The following PTK2B variants were observed in gnomAD, a reference collection of about 807,000 sequenced individuals.
PTK2B encodes the protein protein-tyrosine kinase 2-beta.
Under a neutral mutation model 142.9 loss-of-function variants are expected in PTK2B, and 71 were observed. The observed-to-expected ratio is 0.50, with a 90% CI of 0.41 to 0.61. The LOEUF is 0.61. PTK2B is among the 20% of genes least tolerant of loss of function. The pLI is 0.00. For synonymous variants in PTK2B, 519 were observed against 503.4 expected (o/e 1.03, Z -0.42); for missense variants, 1,105 against 1,320.4 (o/e 0.84, Z 2.53).
chr8:27,361,024 C>T (rs770779544), intron 1 of PTK2B, among the ~76,000 whole-genome samples: 1 of 152,112 alleles, frequency 6.6e-6, no homozygotes, highest in Non-Finnish European at 1.5e-5. Context: ...ACATGGGATA[C>T]ATTGCATAGT....
At chr8:27,340,386 C>G (rs534861387) in intron 1 of PTK2B, among the ~76,000 whole-genome samples, 12 of 152,172 alleles carry the variant, frequency 7.9e-5, no homozygotes, top group African/African-American at 2.9e-4. Flanking sequence ...GTTGAGAGCA[C>G]AGCATATGCA....
intron 3 of PTK2B, 48 bp downstream of exon 3, chr8:27,420,121 G>A (rs1809654504): frequency 1.2e-6 from 2 of 1,604,264 alleles, no homozygotes; most frequent in South Asian, 1.1e-5. Context: ...GAGGAATTTA[G>A]GGTGGGGAGG....
Position 27,397,538 on chromosome 8 carries a change from G to A in PTK2B, c.-37-10G>A. On this transcript the variant is annotated splice_polypyrimidine_tract_variant and intron_variant, in intron 1 of 30. Transcript: ENST00000346049. ...GCTCTTTCAGGGCTGACCCTCTGCT[G>A]TCTCTGCAGGACTGCAATGTGCCGA... 6.3e-7 allele frequency: 1 copy of A among 1,599,226 alleles called. No homozygotes were observed. Among genetic ancestry groups the A allele is most frequent in the East Asian group, 2.2e-5 (1 of 44,832 alleles).
intron 3 of PTK2B, among the ~76,000 whole-genome samples, chr8:27,314,413 G>A (rs1340483070): frequency 1.3e-5 from 2 of 152,132 alleles, no homozygotes; most frequent in East Asian, 1.9e-4. Flanking sequence ...GCAAAACCCC[G>A]TCTCTACAAA....
chr8:27,368,419 G>GTAT (rs1020442658), intron 1 of PTK2B, among the ~76,000 whole-genome samples: 4 of 151,970 alleles, frequency 2.6e-5, no homozygotes, highest in African/African-American at 9.7e-5. Flanking sequence ...ATTCCCCTTG[G>GTAT]TATTCATCCC....
intron 1 of PTK2B, among the ~76,000 whole-genome samples, chr8:27,354,621 A>G (rs149782903): frequency 1.4e-3 from 210 of 152,364 alleles, no homozygotes; most frequent in African/African-American, 4.9e-3. Context: ...AAGTGCTTGA[A>G]AAATGGCAGC....
At chr8:27,447,011 C>T (rs995347147) in intron 24 of PTK2B, among the ~76,000 whole-genome samples, 5 of 152,172 alleles carry the variant, frequency 3.3e-5, no homozygotes, top group East Asian at 1.9e-4. Flanking sequence ...AGGCTGTGTT[C>T]GGTTTCTCCA....
intron 2 of PTK2B, among the ~76,000 whole-genome samples, chr8:27,407,683 G>A (rs1221902458): frequency 6.6e-6 from 1 of 152,182 alleles, no homozygotes; most frequent in East Asian, 1.9e-4. Context: ...GGGAGTCAGA[G>A]GAACCTCTGG....
chr8:27,360,390 GA>G (rs1805628693), intron 1 of PTK2B, among the ~76,000 whole-genome samples: 1 of 152,270 alleles, frequency 6.6e-6, no homozygotes, highest in African/African-American at 2.4e-5. Context: ...GCTGATGGGA[GA>G]CGGCTGATGC....
intron 1 of PTK2B, among the ~76,000 whole-genome samples, chr8:27,360,743 G>C (rs1805651499): frequency 1.3e-5 from 2 of 152,234 alleles, no homozygotes; most frequent in African/African-American, 4.8e-5. Context: ...AAAGACTTCT[G>C]TGCAAACATT....
rs771659479 is a variant in PTK2B at position 27,437,787 on chromosome 8, A to G, written c.1550A>G (p.Asn517Ser). 29 of 1,612,644 alleles carry G rather than the reference A, an allele frequency of 1.8e-5. No individual in the cohort carries two copies. Among genetic ancestry groups the G allele is most frequent in the Non-Finnish European group, 2.4e-5 (28 of 1,179,602 alleles). ...YGELGHYLER[N>S]KNSLKVLTLV... ...CAGCTGGGCCACTACCTGGAGCGGAACAAGAACTCCCTGAAGGTGCTCACC... is the reference window on the plus strand; with the variant it reads ...CAGCTGGGCCACTACCTGGAGCGGAGCAAGAACTCCCTGAAGGTGCTCACC... Residue 517 changes from asparagine to serine, a missense_variant, in exon 18 of 31, where the codon AAC (asparagine) becomes AGC (serine). Transcript: ENST00000346049.
rs368554962 is a variant in PTK2B at position 27,336,405 on chromosome 8, C to T, written c.-38+10724C>T. The stretch of plus-strand genomic sequence containing the variant: ...CCATAAGCCCTGTTGAGGAAAGAAC[C>T]GTATCTGTATGGAGAGTCACTGTTA... On this transcript the variant is annotated intron_variant, in intron 1 of 30. Coordinates refer to ENST00000346049, the MANE Select transcript of PTK2B (RefSeq NM_173176.3). Among the ~76,000 whole-genome samples, 7 of 152,058 alleles carry T rather than the reference C, an allele frequency of 4.6e-5. No individual in the cohort carries two copies. In the East Asian group the frequency reaches 1.2e-3, roughly 25 times the overall value.
At chr8:27,327,155 C>A (rs576718303) in intron 1 of PTK2B, among the ~76,000 whole-genome samples, 1 of 152,088 alleles carries the variant, frequency 6.6e-6, no homozygotes, top group Non-Finnish European at 1.5e-5. Flanking sequence ...AAGCAGCGGG[C>A]GGCATCCAGG....
rs190822438 is a variant in PTK2B at position 27,418,908 on chromosome 8, G to A, written c.205-987G>A. On this transcript the variant is annotated intron_variant, in intron 2 of 30. Coordinates refer to ENST00000346049, the MANE Select transcript of PTK2B (RefSeq NM_173176.3). The stretch of plus-strand genomic sequence containing the variant: ...CCAGGCGTGGTGGTGCCTACCTGTA[G>A]TCCCAGCTACTCAGGAGGATGAGGC... Among the ~76,000 whole-genome samples the A allele has an allele frequency of 1.6e-3, 241 of 152,232 alleles. 1 individual carries two copies. Among genetic ancestry groups the A allele is most frequent in the African/African-American group, 5.6e-3 (232 of 41,516 alleles).
At chr8:27,439,931 A>G (rs1420596028) in intron 20 of PTK2B, among the ~76,000 whole-genome samples, 3 of 152,130 alleles carry the variant, frequency 2.0e-5, no homozygotes, top group Admixed American at 6.5e-5. Flanking sequence ...TTTACTAAGG[A>G]GTGGCTCCCC....
chr8:27,394,592 CTT>C (rs879330337), intron 1 of PTK2B, among the ~76,000 whole-genome samples: 1,925 of 152,294 alleles, frequency 0.013, 23 homozygotes, highest in Non-Finnish European at 0.017. Flanking sequence ...CTACTGTAGA[CTT>C]TATAAACACG....
intron 3 of PTK2B, among the ~76,000 whole-genome samples, chr8:27,319,612 C>G (rs1251260449): frequency 7.7e-6 from 1 of 129,226 alleles, no homozygotes; most frequent in Non-Finnish European, 1.6e-5. Context: ...CCACTGCCCT[C>G]TAGCTTGGGT....
Position 27,452,807 on chromosome 8 carries a change from G to A in PTK2B, c.2549-307G>A. 3 of 493,956 alleles carry A rather than the reference G, an allele frequency of 6.1e-6. No homozygotes were observed. The South Asian group carries it at 9.0e-5, about 15-fold the overall frequency. 30.6% of individuals were successfully genotyped at this position (493,956 alleles called of 1,614,324 possible). On this transcript the variant is annotated intron_variant, in intron 27 of 30. Coordinates refer to ENST00000346049, the MANE Select transcript of PTK2B (RefSeq NM_173176.3). ...TCTTCCTTTCAGATCACCCAGTACTGTTCCTTAGGCCTGGTGTCCATCAGG... is the reference window on the plus strand; with the variant it reads ...TCTTCCTTTCAGATCACCCAGTACTATTCCTTAGGCCTGGTGTCCATCAGG...
chr8:27,394,155 C>T (rs1231062909), intron 1 of PTK2B, among the ~76,000 whole-genome samples: 2 of 152,122 alleles, frequency 1.3e-5, no homozygotes, highest in Non-Finnish European at 2.9e-5. Context: ...ACCCTAGATC[C>T]CTCACTCTCT....
Sources: allele counts gnomAD v4.1 joint callset (sites outside exome capture counted in the v4.1 genomes callset), GRCh38; gene constraint gnomAD v4.1.1; transcripts MANE v1.5; gene names NCBI Gene and HGNC (gene_info 2026-07-23, HGNC 2026-07-21).